EYS: variants seen among roughly 807,000 people sequenced by gnomAD.
EYS encodes protein eyes shut homolog.
EYS carries 250 observed loss-of-function variants against 282.1 expected under a neutral mutation model. The observed-to-expected ratio is 0.89, with a 90% CI of 0.80 to 0.98. The LOEUF is 0.98. EYS is among the 50% of genes least tolerant of loss of function. The pLI is 0.00. For synonymous variants in EYS, 1,355 were observed against 1,282.9 expected, an observed-to-expected ratio of 1.06 and a Z score of -1.20; for missense variants, 4,016 against 3,709.0, an observed-to-expected ratio of 1.08 and a Z score of -2.15.
chr6:64,210,397 T>C (rs887585212), intron 31 of EYS, among the ~76,000 whole-genome samples: 1 of 152,176 alleles, frequency 6.6e-6, no homozygotes, highest in African/African-American at 2.4e-5. Flanking sequence ...GCCTTCTCTC[T>C]GTGTCCTCTC....
intron 26 of EYS, among the ~76,000 whole-genome samples, chr6:64,581,642 G>A (rs1766072073): frequency 6.6e-6 from 1 of 152,066 alleles, no homozygotes; most frequent in African/African-American, 2.4e-5. Context: ...GTTCATACGT[G>A]CATGTTATTC....
chr6:65,516,682 G>A (rs192376272), intron 2 of EYS, among the ~76,000 whole-genome samples: 26 of 152,066 alleles, frequency 1.7e-4, no homozygotes, highest in Non-Finnish European at 2.9e-4. Flanking sequence ...TACAGTCTTC[G>A]AAATTAGTAC....
At position 65,541,556 on chromosome 6, in the gene EYS, T is replaced by C. The variant is rs187509459; in HGVS notation, c.-332-45563A>G. On this transcript the variant is annotated intron_variant, in intron 2 of 42. Coordinates refer to ENST00000503581, the MANE Select transcript of EYS (RefSeq NM_001142800.2). The stretch of plus-strand genomic sequence containing the variant: ...ACTATATTTTAACACATCTTTCAAC[T>C]TAATTGCTAATTTAATTTGAATTTT... 7.9e-5 allele frequency among the ~76,000 whole-genome samples: 12 copies of C among 152,298 alleles called. No individual in the cohort carries two copies. The East Asian group carries it at 2.3e-3, about 29-fold the overall frequency.
chr6:65,167,066 T>C (rs778909796), intron 12 of EYS, among the ~76,000 whole-genome samples: 1 of 151,088 alleles, frequency 6.6e-6, no homozygotes, highest in African/African-American at 2.4e-5. Flanking sequence ...TGTGGAGAAA[T>C]GGAACCTTGC....
At chr6:65,699,357 T>G (rs1204977090) in intron 1 of EYS, among the ~76,000 whole-genome samples, 2 of 152,172 alleles carry the variant, frequency 1.3e-5, no homozygotes, top group Non-Finnish European at 2.9e-5. Flanking sequence ...TAATTATGAA[T>G]TTCCCTTACT....
chr6:64,826,871 A>G (rs981869866), intron 19 of EYS, among the ~76,000 whole-genome samples: 2 of 151,558 alleles, frequency 1.3e-5, no homozygotes, highest in African/African-American at 4.8e-5. Context: ...AGAACCTCAA[A>G]ACATACTTTA....
rs541563996 is a variant in EYS, at chr6:64,551,757, T to C, written c.5644+38466A>G. On this transcript the variant is annotated intron_variant, in intron 26 of 42. Transcript: ENST00000503581. Reference sequence around the variant, plus strand: ...TCGCTAAAACTAGTGAAAAGCATTTTCCTTTATAGAAAAAATTTTCACACA... The same window carrying C: ...TCGCTAAAACTAGTGAAAAGCATTTCCCTTTATAGAAAAAATTTTCACACA... Among the ~76,000 whole-genome samples the C allele has an allele frequency of 7.9e-5, 12 of 152,170 alleles. No individual in the cohort carries two copies. The East Asian group carries it at 1.7e-3, about 22-fold the overall frequency.
chr6:64,294,613 G>A (rs913715251), intron 30 of EYS, among the ~76,000 whole-genome samples: 1 of 152,118 alleles, frequency 6.6e-6, no homozygotes, highest in African/African-American at 2.4e-5. Context: ...CAAATTAGTG[G>A]AGAGCTTCAA....
At position 64,072,378 on chromosome 6, in the gene EYS, G is replaced by GT. The variant is rs1228187187; in HGVS notation, c.6572-5888dup. 3.3e-3 allele frequency among the ~76,000 whole-genome samples: 472 copies of GT among 143,386 alleles called. 2 individuals are homozygous for GT. The highest frequency in any genetic ancestry group is 6.9e-3 in the African/African-American group (269 of 39,198). 94.1% of individuals were successfully genotyped at this position (143,386 alleles called of 152,430 possible). On this transcript the variant is annotated intron_variant, in intron 32 of 42. Transcript: ENST00000503581. The stretch of plus-strand genomic sequence containing the variant: ...GTCTTCTGAGATCCATTAGCAGGTT[G>GT]TTTTTTTTTTCGGCTTCTACTCTTT...
intron 32 of EYS, among the ~76,000 whole-genome samples, chr6:64,075,773 A>G (rs980816251): frequency 1.3e-5 from 2 of 151,960 alleles, no homozygotes; most frequent in African/African-American, 4.8e-5. Flanking sequence ...GCCATTTGCC[A>G]AGCACTGTTT....
chr6:65,480,468 C>G (rs1765567865), intron 5 of EYS, among the ~76,000 whole-genome samples: 3 of 152,020 alleles, frequency 2.0e-5, no homozygotes, highest in Non-Finnish European at 4.4e-5. Context: ...TAGATCAAAT[C>G]ACTGGAGTCA....
At chr6:64,556,029 A>C (rs1428666450) in intron 26 of EYS, among the ~76,000 whole-genome samples, 2 of 152,102 alleles carry the variant, frequency 1.3e-5, no homozygotes, top group Non-Finnish European at 2.9e-5. Flanking sequence ...ACTCTCACAT[A>C]ATGCTAGTGA....
intron 35 of EYS, among the ~76,000 whole-genome samples, chr6:63,880,033 C>T (rs777563806): frequency 6.6e-6 from 1 of 152,142 alleles, no homozygotes; most frequent in Non-Finnish European, 1.5e-5. Context: ...TATCTGGAAA[C>T]TCATTCTACT....
chr6:64,439,072 G>C, intron 27 of EYS, 90 bp downstream of exon 27: 3 of 701,946 alleles, frequency 4.3e-6, no homozygotes. Context: ...ATAGAGTTAA[G>C]TTTAAATTTT....
At chr6:64,808,075 C>A (rs1477211549) in intron 22 of EYS, among the ~76,000 whole-genome samples, 2 of 148,902 alleles carry the variant, frequency 1.3e-5, no homozygotes, top group African/African-American at 2.5e-5. Context: ...CTTTCTTTCC[C>A]TTCCCTTCCT....
intron 7 of EYS, among the ~76,000 whole-genome samples, chr6:65,392,266 G>A (rs1197949273): frequency 1.3e-5 from 2 of 151,574 alleles, no homozygotes; most frequent in African/African-American, 4.8e-5. Context: ...CATGGGCAAG[G>A]ACTTCATGTC....
At chr6:63,952,010 C>T (rs567588667) in intron 35 of EYS, among the ~76,000 whole-genome samples, 1 of 152,188 alleles carries the variant, frequency 6.6e-6, no homozygotes, top group Non-Finnish European at 1.5e-5. Context: ...CACAAAAGTA[C>T]TCAACTAACC....
intron 29 of EYS, among the ~76,000 whole-genome samples, chr6:64,333,437 G>A (rs1414665799): frequency 6.6e-6 from 1 of 152,074 alleles, no homozygotes; most frequent in Non-Finnish European, 1.5e-5. Context: ...CGTAATAGAA[G>A]AGTCCAAAAA....
intron 37 of EYS, among the ~76,000 whole-genome samples, chr6:63,804,183 A>G (rs1361161732): frequency 2.6e-5 from 4 of 151,882 alleles, no homozygotes; most frequent in African/African-American, 9.7e-5. Context: ...TGCCTGGCTA[A>G]TTTTGTATTT....
Sources: gnomAD v4.1 joint callset for allele counts (sites outside exome capture counted in the v4.1 genomes callset) on GRCh38, gnomAD v4.1.1 for gene constraint, MANE v1.5 for transcripts, NCBI Gene and HGNC (gene_info 2026-07-23, HGNC 2026-07-21) for gene names.